Variants in ARHGEF10 observed in about 807,000 individuals in gnomAD.
The protein encoded by ARHGEF10 is Rho guanine nucleotide exchange factor (GEF) 10.
ARHGEF10 carries 140 observed loss-of-function variants against 147.4 expected under a neutral mutation model. That is an observed-to-expected ratio of 0.95 (90% CI 0.83 to 1.09). ARHGEF10 has a LOEUF of 1.09. Ranked by LOEUF, ARHGEF10 falls within the 50% of genes least tolerant of loss-of-function variation. ARHGEF10 has a pLI of 0.00. For missense variants in ARHGEF10, 2,222 were observed against 1,752.7 expected, an observed-to-expected ratio of 1.27 and a Z score of -4.78; for synonymous variants, 902 against 695.8, an observed-to-expected ratio of 1.30 and a Z score of -4.67.
rs1815166735 is a variant in ARHGEF10, at chr8:1,952,815, C to T, written c.3508C>T (p.Pro1170Ser). ...ALPVPRLQGI[P>S]KVTGRGMVSY... ...GCCGGTCCCACGTCTGCAAGGGATT[C>T]CCAAAGTGACCGGTGAGTGGCACCT... is the stretch of plus-strand genomic sequence containing the variant. The change falls in exon 28 of 29, where the codon CCC becomes TCC. Residue 1170 changes from proline (P) to serine (S), a missense_variant. Pro to Ser is a moderately conservative substitution (Grantham distance 74). Coordinates refer to ENST00000349830, the MANE Select transcript of ARHGEF10 (RefSeq NM_014629.4). The T allele has an allele frequency of 2.5e-6, 4 of 1,613,894 alleles. 1 individual carries two copies. Among genetic ancestry groups the T allele is most frequent in the Admixed American group, 1.7e-5 (1 of 60,034 alleles).
chr8:1,928,054 C>G (rs1341246759), intron 23 of ARHGEF10, among the ~76,000 whole-genome samples: 1 of 152,112 alleles, frequency 6.6e-6, no homozygotes, highest in East Asian at 1.9e-4. Context: ...TTTTCTTAGC[C>G]TAGGTCATTG....
chr8:1,844,136 G>T lies in ARHGEF10; in HGVS notation c.37+700G>T, dbSNP rs73540704. ...TGGGCCTGGTGTCCGTTGCAGGTCT[G>T]GGGGGTGATGGAGCTGTGGAGGTCA... On this transcript the variant is annotated intron_variant, in intron 2 of 28. Transcript: ENST00000349830. 2.3e-3 allele frequency among the ~76,000 whole-genome samples: 353 copies of T among 152,216 alleles called. 2 individuals carry two copies. Among genetic ancestry groups the T allele is most frequent in the African/African-American group, 8.1e-3 (335 of 41,538 alleles).
chr8:1,921,831 C>G (rs1484042099), intron 18 of ARHGEF10, among the ~76,000 whole-genome samples: 2 of 152,178 alleles, frequency 1.3e-5, no homozygotes, highest in Admixed American at 6.5e-5. Flanking sequence ...CTGTGCGATT[C>G]TACAGACCCA....
At chr8:1,837,816 G>T (rs1274376443) in intron 1 of ARHGEF10, among the ~76,000 whole-genome samples, 1 of 152,182 alleles carries the variant, frequency 6.6e-6, no homozygotes, top group Non-Finnish European at 1.5e-5. Flanking sequence ...TGTTGGGCAG[G>T]TGAATCTGTG....
intron 2 of ARHGEF10, among the ~76,000 whole-genome samples, chr8:1,851,255 C>T (rs1047032990): frequency 8.6e-5 from 13 of 151,038 alleles, no homozygotes; most frequent in African/African-American, 2.2e-4. Flanking sequence ...CGAGGCCTCA[C>T]GCACACCGTG....
At chr8:1,842,968 A>G (rs182011801) in intron 1 of ARHGEF10, among the ~76,000 whole-genome samples, 53 of 152,338 alleles carry the variant, frequency 3.5e-4, no homozygotes, top group Non-Finnish European at 5.7e-4. Context: ...GCCGCACCTG[A>G]TCCCAGCTAA....
intron 24 of ARHGEF10, 91 bp from the exon 25 acceptor site, chr8:1,929,195 G>C: frequency 7.2e-7 from 1 of 1,388,912 alleles, no homozygotes; most frequent in Non-Finnish European, 1.0e-6. Context: ...CAAGAGGGAA[G>C]AGTTGAAATG....
At chr8:1,854,355 C>G (rs977428359) in intron 2 of ARHGEF10, among the ~76,000 whole-genome samples, 3 of 152,246 alleles carry the variant, frequency 2.0e-5, no homozygotes, top group African/African-American at 7.2e-5. Context: ...GCTGTGGGCA[C>G]CCATGCAGGC....
chr8:1,842,059 CTGGGG>C (rs1804132189), intron 1 of ARHGEF10, among the ~76,000 whole-genome samples: 3 of 136,580 alleles, frequency 2.2e-5, no homozygotes, highest in Non-Finnish European at 3.2e-5. Context: ...GCGGCGGGAA[CTGGGG>C]CCGCGGCGGG....
chr8:1,828,881 T>C (rs946171540), intron 1 of ARHGEF10, among the ~76,000 whole-genome samples: 1 of 143,832 alleles, frequency 7.0e-6, no homozygotes, highest in Non-Finnish European at 1.5e-5. Flanking sequence ...TTTTATTCTA[T>C]CGTTTGCTTA....
chr8:1,887,750 G>A (rs563492133), intron 11 of ARHGEF10, among the ~76,000 whole-genome samples: 1 of 134,650 alleles, frequency 7.4e-6, no homozygotes, highest in Non-Finnish European at 1.6e-5. Flanking sequence ...GGGTTTTGAG[G>A]AGACACGGAG....
In ARHGEF10 at chr8:1,954,947, A is replaced by G. The variant is rs79878729; in HGVS notation, c.3521-1802A>G. On this transcript the variant is annotated intron_variant, in intron 28 of 28. Transcript: ENST00000349830. ...AGGTGCCCTCATTGCCTCTGGATGG[A>G]TAGCCAGGTGCTCCCTGAAAGGAGG... is the stretch of plus-strand genomic sequence containing the variant. 8.2e-3 allele frequency among the ~76,000 whole-genome samples: 1,133 copies of G among 138,480 alleles called. 27 individuals are homozygous for G. The highest frequency in any genetic ancestry group is 0.028 in the African/African-American group (1,037 of 36,986). The allele number at this position is 138,480 out of a possible 152,430, so 90.8% of individuals were successfully genotyped here.
intron 11 of ARHGEF10, among the ~76,000 whole-genome samples, chr8:1,887,223 A>T (rs1022649603): frequency 6.6e-6 from 1 of 152,228 alleles, no homozygotes; most frequent in South Asian, 2.1e-4. Context: ...ATAGCAAAAG[A>T]AGGGAAAAGC....
At chr8:1,825,911 A>C (rs1351556020) in intron 1 of ARHGEF10, 1 of 606,450 alleles carries the variant, frequency 1.6e-6, no homozygotes, top group African/African-American at 1.9e-5. Flanking sequence ...GAACAATTTC[A>C]CTGTTGCTGA....
chr8:1,826,866 A>C (rs1802802609), intron 1 of ARHGEF10, among the ~76,000 whole-genome samples: 1 of 152,242 alleles, frequency 6.6e-6, no homozygotes, highest in Non-Finnish European at 1.5e-5. Flanking sequence ...AGTGGCGTGA[A>C]ATAAGACAGA....
chr8:1,925,972 C>T (rs964763970), intron 22 of ARHGEF10, among the ~76,000 whole-genome samples: 4 of 152,188 alleles, frequency 2.6e-5, no homozygotes, highest in African/African-American at 9.7e-5. Flanking sequence ...GCTCCCCTGA[C>T]CCCTCCTGTT....
chr8:1,923,351 A>G, intron 19 of ARHGEF10, 117 bp from the exon 20 acceptor site: 1 of 1,470,866 alleles, frequency 6.8e-7, no homozygotes, highest in Admixed American at 1.8e-5. Flanking sequence ...CTTTTTCATA[A>G]TCTAATAGTT....
intron 26 of ARHGEF10, among the ~76,000 whole-genome samples, chr8:1,938,401 C>G (rs1328759532): frequency 2.0e-5 from 3 of 152,144 alleles, no homozygotes; most frequent in East Asian, 1.9e-4. Flanking sequence ...CCTTTTCTTC[C>G]TCACTCTTGA....
At chr8:1,861,112 G>A (rs749800429) in intron 4 of ARHGEF10, among the ~76,000 whole-genome samples, 8 of 152,206 alleles carry the variant, frequency 5.3e-5, no homozygotes, top group Non-Finnish European at 1.0e-4. Flanking sequence ...CTCACCTCCG[G>A]TCTCTGTGTC....
Sources: allele counts gnomAD v4.1 joint callset (sites outside exome capture counted in the v4.1 genomes callset), GRCh38; gene constraint gnomAD v4.1.1; transcripts MANE v1.5; gene names NCBI Gene and HGNC (gene_info 2026-07-23, HGNC 2026-07-21).